Variants in SDHAF3 observed in about 807,000 individuals in gnomAD.
SDHAF3 encodes succinate dehydrogenase complex assembly factor 3, also known as succinate dehydrogenase assembly factor 3, mitochondrial.
Under a neutral mutation model 11.5 loss-of-function variants are expected in SDHAF3, and 18 were observed. The observed-to-expected ratio is 1.56, with a 90% confidence interval of 1.08 to 2.32. SDHAF3 has a LOEUF of 2.32. SDHAF3 is among the 30% of genes most tolerant of loss of function. The pLI is 0.00. For synonymous variants in SDHAF3, 72 were observed against 59.3 expected (o/e 1.21, Z -0.99); for missense variants, 200 against 154.4 (o/e 1.30, Z -1.57).
At chr7:97,171,010 C>G (rs936907254) in intron 1 of SDHAF3, among the ~76,000 whole-genome samples, 2 of 151,830 alleles carry the variant, frequency 1.3e-5, no homozygotes, top group African/African-American at 4.8e-5. Flanking sequence ...GTTCTTTTTT[C>G]TTTTTCTATA....
intron 1 of SDHAF3, among the ~76,000 whole-genome samples, chr7:97,155,921 C>T (rs1195118364): frequency 6.6e-6 from 1 of 151,958 alleles, no homozygotes; most frequent in African/African-American, 2.4e-5. Context: ...TCCAAGTAGT[C>T]TTCTTGATAT....
intron 1 of SDHAF3, among the ~76,000 whole-genome samples, chr7:97,178,265 T>C (rs936779370): frequency 7.9e-5 from 12 of 152,264 alleles, no homozygotes; most frequent in African/African-American, 2.7e-4. Context: ...TTCCATTGTA[T>C]GTGTATACCA....
At chr7:97,122,269 G>C (rs1414949039) in intron 1 of SDHAF3, among the ~76,000 whole-genome samples, 1 of 152,204 alleles carries the variant, frequency 6.6e-6, no homozygotes, top group Non-Finnish European at 1.5e-5. Flanking sequence ...AGGATATTCT[G>C]CTAAGGGTTT....
At chr7:97,154,177 G>A (rs1341674791) in intron 1 of SDHAF3, among the ~76,000 whole-genome samples, 1 of 139,126 alleles carries the variant, frequency 7.2e-6, no homozygotes, top group Non-Finnish European at 1.5e-5. Context: ...TAAGGGTGGG[G>A]GAGATTACAA....
chr7:97,154,078 C>T (rs1175111376), intron 1 of SDHAF3, among the ~76,000 whole-genome samples: 3 of 151,324 alleles, frequency 2.0e-5, no homozygotes, highest in East Asian at 1.9e-4. Flanking sequence ...TTGGGATAGG[C>T]GGTGGAGTTA....
chr7:97,130,113 A>C (rs1323181488), intron 1 of SDHAF3, among the ~76,000 whole-genome samples: 1 of 152,078 alleles, frequency 6.6e-6, no homozygotes, highest in Admixed American at 6.5e-5. Context: ...CTCTATTAAA[A>C]ATATAAAAAC....
At chr7:97,178,879 G>C (rs1449275549) in intron 1 of SDHAF3, among the ~76,000 whole-genome samples, 1 of 151,984 alleles carries the variant, frequency 6.6e-6, no homozygotes, top group Non-Finnish European at 1.5e-5. Context: ...TGTTGCTTGG[G>C]CTTTTGGTGT....
At chr7:97,155,040 G>A (rs1011272326) in intron 1 of SDHAF3, among the ~76,000 whole-genome samples, 2 of 152,138 alleles carry the variant, frequency 1.3e-5, no homozygotes, top group Non-Finnish European at 1.5e-5. Context: ...CTTAACATCA[G>A]AAAGAGTTAC....
At chr7:97,167,587 A>ATTAGT (rs1282416396) in intron 1 of SDHAF3, among the ~76,000 whole-genome samples, 1 of 152,092 alleles carries the variant, frequency 6.6e-6, no homozygotes. Flanking sequence ...TGTACAGGAG[A>ATTAGT]TTAGTTTATT....
Position 97,169,217 on chromosome 7 carries a change from T to G in SDHAF3, c.175-11795T>G, listed in dbSNP as rs1396798286. Among the ~76,000 whole-genome samples the G allele has an allele frequency of 3.9e-5, 6 of 152,146 alleles. No homozygotes were observed. In the East Asian group the frequency reaches 1.2e-3, roughly 29 times the overall value. On this transcript the variant is annotated intron_variant, in intron 1 of 1. Coordinates refer to ENST00000432641, the MANE Select transcript of SDHAF3 (RefSeq NM_020186.3). ...GGTGGGCGCCTGTAATCCCAGGTAC[T>G]TGGGAGGCTGAGGCAGGAGGATCAC...
chr7:97,146,125 T>A (rs894293992), intron 1 of SDHAF3, among the ~76,000 whole-genome samples: 11 of 151,888 alleles, frequency 7.2e-5, no homozygotes, highest in African/African-American at 2.6e-4. Flanking sequence ...CCCCCCCCAC[T>A]TTTGAACGCT....
chr7:97,129,522 TGGAA>T (rs1396288503), intron 1 of SDHAF3, among the ~76,000 whole-genome samples: 1 of 152,204 alleles, frequency 6.6e-6, no homozygotes, highest in Non-Finnish European at 1.5e-5. Context: ...AGTCTGGCTT[TGGAA>T]GGGAGAGGAG....
intron 1 of SDHAF3, among the ~76,000 whole-genome samples, chr7:97,138,753 G>A (rs1425020126): frequency 6.6e-6 from 1 of 152,234 alleles, no homozygotes; most frequent in Non-Finnish European, 1.5e-5. Context: ...CGTAGTAAGT[G>A]TTCCACAAAT....
At chr7:97,118,442 TAAGTC>T (rs1346306013) in intron 1 of SDHAF3, among the ~76,000 whole-genome samples, 2 of 152,158 alleles carry the variant, frequency 1.3e-5, no homozygotes, top group Non-Finnish European at 2.9e-5. Context: ...TGGTGGCAGT[TAAGTC>T]AGGCGAAAGT....
Position 97,181,004 on chromosome 7 carries a change from C to T in SDHAF3, c.175-8C>T. The T allele has an allele frequency of 6.2e-7, 1 of 1,605,666 alleles. No individual in the cohort carries two copies. The highest frequency in any genetic ancestry group is 2.2e-5 in the East Asian group (1 of 44,766). On this transcript the variant is annotated splice_region_variant and splice_polypyrimidine_tract_variant and intron_variant, in intron 1 of 1. Transcript: ENST00000432641. The stretch of plus-strand genomic sequence containing the variant: ...TACATCTATAACCTTCATTCTTTAT[C>T]TTTTTAGGTGTATGCAACAGCGTTA...
At chr7:97,176,275 C>T (rs192198376) in intron 1 of SDHAF3, among the ~76,000 whole-genome samples, 1 of 152,204 alleles carries the variant, frequency 6.6e-6, no homozygotes, top group Non-Finnish European at 1.5e-5. Context: ...CTTGAAGCAG[C>T]TGCTTAACTT....
At chr7:97,152,868 G>A (rs1789246728) in intron 1 of SDHAF3, among the ~76,000 whole-genome samples, 1 of 152,182 alleles carries the variant, frequency 6.6e-6, no homozygotes, top group Non-Finnish European at 1.5e-5. Context: ...ATCTTGGCCA[G>A]TCTTGAACTC....
intron 1 of SDHAF3, among the ~76,000 whole-genome samples, chr7:97,151,644 G>A (rs532458211): frequency 4.5e-4 from 68 of 151,852 alleles, no homozygotes; most frequent in African/African-American, 1.5e-3. Context: ...GACTACAGGC[G>A]CTTGCCACCA....
At chr7:97,126,328 G>A (rs1404268755) in intron 1 of SDHAF3, among the ~76,000 whole-genome samples, 3 of 152,208 alleles carry the variant, frequency 2.0e-5, no homozygotes, top group African/African-American at 4.8e-5. Context: ...CTCAAGCACC[G>A]TCCTGCGAAA....
Sources: allele counts gnomAD v4.1 joint callset (sites outside exome capture counted in the v4.1 genomes callset), GRCh38; gene constraint gnomAD v4.1.1; transcripts MANE v1.5; gene names NCBI Gene and HGNC (gene_info 2026-07-23, HGNC 2026-07-21).